Variants in RTCB observed in about 807,000 individuals in gnomAD.
RTCB encodes the protein RNA 2',3'-cyclic phosphate and 5'-OH ligase.
Under a neutral mutation model 58.2 loss-of-function variants are expected in RTCB, and 32 were observed. The ratio of observed to expected loss-of-function variants is 0.55; its 90% CI spans 0.41 to 0.74. RTCB has a LOEUF of 0.74. RTCB is among the 30% of genes least tolerant of loss of function. The pLI, the probability that RTCB is intolerant of heterozygous loss-of-function variation, is 0.00. For synonymous variants in RTCB, 247 were observed against 218.6 expected (o/e 1.13, Z -1.15); for missense variants, 523 against 639.0 (o/e 0.82, Z 1.96).
chr22:32,401,370 C>A (rs1933333441), intron 5 of RTCB, among the ~76,000 whole-genome samples: 1 of 151,864 alleles, frequency 6.6e-6, no homozygotes, highest in South Asian at 2.1e-4. Flanking sequence ...TTCTGTAAAC[C>A]CAACCACACC....
chr22:32,402,106 T>C (rs1344148712), intron 4 of RTCB, among the ~76,000 whole-genome samples: 2 of 152,222 alleles, frequency 1.3e-5, no homozygotes, highest in Admixed American at 6.5e-5. Context: ...AGGCACTTTA[T>C]GGACAAGGGA....
intron 1 of RTCB, 77 bp downstream of exon 1, chr22:32,411,987 G>A (rs1933534401): frequency 1.8e-6 from 2 of 1,111,276 alleles, no homozygotes; most frequent in African/African-American, 3.1e-5. Context: ...GTCAGGGGAG[G>A]TCCAGAGGGC....
In RTCB at chr22:32,393,496, G is replaced by A. The variant is rs145135240; in HGVS notation, c.1290+396C>T. On this transcript the variant is annotated intron_variant, in intron 10 of 11. Coordinates refer to ENST00000216038, the MANE Select transcript of RTCB (RefSeq NM_014306.5). The stretch of plus-strand genomic sequence containing the variant: ...ATAGGGCCTATCCTTCCAATCTTGC[G>A]TGGACCTACACAATAGGAAGGGGCA... Among the ~76,000 whole-genome samples, 10 of 152,056 alleles carry A rather than the reference G, an allele frequency of 6.6e-5. No homozygotes were observed. In the South Asian group the frequency reaches 1.2e-3, roughly 19 times the overall value.
chr22:32,387,953 G>A lies in RTCB; in HGVS notation c.*39C>T, dbSNP rs200817908. 1.5e-6 allele frequency: 2 copies of A among 1,294,930 alleles called. No homozygotes were observed. The highest frequency in any genetic ancestry group is 2.2e-6 in the Non-Finnish European group (2 of 890,244). The allele number at this position is 1,294,930 out of a possible 1,614,324, so 80.2% of individuals were successfully genotyped here. ...CATGTCAGTCCACTTCCACTTCAGAGAGGGTTGGTGGTGTCAGGCAGCCCT... is the reference window on the plus strand; with the variant it reads ...CATGTCAGTCCACTTCCACTTCAGAAAGGGTTGGTGGTGTCAGGCAGCCCT... On this transcript the variant is annotated 3_prime_UTR_variant, in exon 12 of 12. Coordinates refer to ENST00000216038, the MANE Select transcript of RTCB (RefSeq NM_014306.5).
At chr22:32,397,917 T>C (rs1289886315) in intron 7 of RTCB, 24 bp downstream of exon 7, 1 of 1,583,960 alleles carries the variant, frequency 6.3e-7, no homozygotes, top group East Asian at 2.3e-5. Flanking sequence ...AAATGTACAT[T>C]TTAGCACAAA....
chr22:32,401,092 T>TG lies in RTCB; in HGVS notation c.497+654_497+655insC, dbSNP rs1419547429. On this transcript the variant is annotated intron_variant, in intron 5 of 11. Transcript: ENST00000216038. ...TGAATCCTGATATCACCTACTAAGT[T>TG]TTTTTTTTTTTTTTTTTAATTGAGA... Among the ~76,000 whole-genome samples, 578 of 145,608 alleles carry TG rather than the reference T, an allele frequency of 4.0e-3. 7 individuals are homozygous for TG. The highest frequency in any genetic ancestry group is 0.014 in the African/African-American group (551 of 40,114).
At chr22:32,392,973 G>A (rs1467024100) in intron 10 of RTCB, among the ~76,000 whole-genome samples, 3 of 152,184 alleles carry the variant, frequency 2.0e-5, no homozygotes, top group Non-Finnish European at 4.4e-5. Context: ...GTCTCCCTCT[G>A]TCACCCAGAC....
intron 4 of RTCB, among the ~76,000 whole-genome samples, chr22:32,404,601 C>G (rs1164725795): frequency 6.6e-6 from 1 of 152,140 alleles, no homozygotes; most frequent in African/African-American, 2.4e-5. Context: ...AGATGGGGGT[C>G]TCCCTATGTT....
intron 4 of RTCB, among the ~76,000 whole-genome samples, chr22:32,404,855 AT>A (rs951047230): frequency 0.064 from 8,901 of 139,142 alleles, 762 homozygotes; most frequent in African/African-American, 0.21. Context: ...AATTTTTTGT[AT>A]TTTTTTTTTT....
chr22:32,392,294 C>T lies in RTCB; in HGVS notation c.1356G>A (p.Leu452=). ...CACGGATCGCAATTCCCATATCTGC[C>T]AATTTGTCTAAGACATCCTGGAAAT... ...NLDFQDVLDK[L]ADMGIAIRVA... Residue 452 remains leucine (L), a synonymous_variant, in exon 11 of 12, where the codon TTG becomes TTA. Coordinates refer to ENST00000216038, the MANE Select transcript of RTCB (RefSeq NM_014306.5). 1 of 1,614,060 alleles carries T rather than the reference C, an allele frequency of 6.2e-7. No individual in the cohort carries two copies. The highest frequency in any genetic ancestry group is 8.5e-7 in the Non-Finnish European group (1 of 1,179,980).
At chr22:32,408,301 T>TA in intron 2 of RTCB, 59 bp from the exon 3 acceptor site, 2 of 1,379,356 alleles carry the variant, frequency 1.4e-6, no homozygotes, top group Non-Finnish European at 2.1e-6. Context: ...GCATGAATTA[T>TA]ATTCATGTTT....
At chr22:32,410,426 G>A (rs1415203846) in intron 1 of RTCB, among the ~76,000 whole-genome samples, 4 of 151,562 alleles carry the variant, frequency 2.6e-5, no homozygotes, top group African/African-American at 9.8e-5. Context: ...AGTAACAGAT[G>A]ATTATCTGTG....
At chr22:32,398,131 T>C in intron 6 of RTCB, 31 bp from the exon 7 acceptor site, 1 of 1,584,482 alleles carries the variant, frequency 6.3e-7, no homozygotes, top group South Asian at 1.2e-5. Flanking sequence ...GGTAAGATAG[T>C]TTTTATTCCA....
At chr22:32,406,554 C>G (rs1346601595) in intron 4 of RTCB, 108 bp downstream of exon 4, 3 of 671,446 alleles carry the variant, frequency 4.5e-6, no homozygotes, top group Non-Finnish European at 8.1e-6. Flanking sequence ...ATCTCTTGAC[C>G]TCATGATCCA....
At chr22:32,399,440 T>G (rs534715394) in intron 6 of RTCB, among the ~76,000 whole-genome samples, 163 bp downstream of exon 6, 1 of 152,072 alleles carries the variant, frequency 6.6e-6, no homozygotes, top group Non-Finnish European at 1.5e-5. Flanking sequence ...GCCCTGATAG[T>G]TTTTTTAGAA....
Position 32,412,219 on chromosome 22 carries a change from G to A in RTCB, c.-63C>T. 1.4e-6 allele frequency: 2 copies of A among 1,392,920 alleles called. No individual in the cohort carries two copies. The highest frequency in any genetic ancestry group is 1.4e-5 in the African/African-American group (1 of 69,398). The allele number at this position is 1,392,920 out of a possible 1,614,324, so 86.3% of individuals were successfully genotyped here. Reference sequence around the variant, plus strand: ...TTGAAGAGCCGCTGCCGCGTAGTCCGGCTTCTCAGAGCACCGCCTTCCAAG... The same window carrying A: ...TTGAAGAGCCGCTGCCGCGTAGTCCAGCTTCTCAGAGCACCGCCTTCCAAG... On this transcript the variant is annotated 5_prime_UTR_variant, in exon 1 of 12. Coordinates refer to ENST00000216038, the MANE Select transcript of RTCB (RefSeq NM_014306.5).
intron 2 of RTCB, among the ~76,000 whole-genome samples, chr22:32,408,457 A>AC (rs1291870835): frequency 6.6e-6 from 1 of 152,202 alleles, no homozygotes; most frequent in Non-Finnish European, 1.5e-5. Flanking sequence ...GCACCTAGTA[A>AC]CATGCCTGGA....
intron 11 of RTCB, among the ~76,000 whole-genome samples, chr22:32,389,882 G>T (rs1263808453): frequency 6.6e-6 from 1 of 151,994 alleles, no homozygotes; most frequent in Non-Finnish European, 1.5e-5. Context: ...ATGCTCTGGC[G>T]CCCCCTACCT....
At chr22:32,399,820 G>T in intron 5 of RTCB, 61 bp from the exon 6 acceptor site, 1 of 1,465,048 alleles carries the variant, frequency 6.8e-7, no homozygotes, top group South Asian at 1.4e-5. Context: ...ACCTAAGGAT[G>T]ACCACATCCT....
Sources: allele counts gnomAD v4.1 joint callset (sites outside exome capture counted in the v4.1 genomes callset), GRCh38; gene constraint gnomAD v4.1.1; transcripts MANE v1.5; gene names NCBI Gene and HGNC (gene_info 2026-07-23, HGNC 2026-07-21).